The following SGCZ variants were observed in gnomAD, a reference collection of about 807,000 sequenced individuals.
SGCZ encodes zeta-sarcoglycan.
Under a neutral mutation model 41.3 loss-of-function variants are expected in SGCZ, and 40 were observed. The ratio of observed to expected loss-of-function variants is 0.97; its 90% CI spans 0.75 to 1.26. SGCZ has a LOEUF of 1.26. Ranked by LOEUF, SGCZ falls within the 50% of genes most tolerant of loss-of-function variation. The probability of loss-of-function intolerance (pLI) is 0.00; values close to 1 mark genes in which losing one functional copy is unlikely to be tolerated. For synonymous variants in SGCZ, 206 were observed against 137.5 expected (o/e 1.50, Z -3.49); for missense variants, 552 against 369.8 (o/e 1.49, Z -4.04).
chr8:14,787,644 T>A (rs1800812295), intron 1 of SGCZ, among the ~76,000 whole-genome samples: 1 of 151,976 alleles, frequency 6.6e-6, no homozygotes, highest in African/African-American at 2.4e-5. Flanking sequence ...GTTGGGAGTT[T>A]GAGACCAGCC....
intron 1 of SGCZ, among the ~76,000 whole-genome samples, chr8:15,034,296 G>A (rs1803791741): frequency 6.6e-6 from 1 of 151,966 alleles, no homozygotes; most frequent in African/African-American, 2.4e-5. Flanking sequence ...AGAAATTTGG[G>A]AGCTGAAAAT....
intron 1 of SGCZ, among the ~76,000 whole-genome samples, chr8:15,047,779 T>C (rs1030706574): frequency 8.6e-5 from 13 of 152,044 alleles, no homozygotes; most frequent in African/African-American, 3.1e-4. Context: ...TACAATTATA[T>C]AACTTTTATC....
intron 1 of SGCZ, among the ~76,000 whole-genome samples, chr8:15,138,096 G>A (rs569492067): frequency 2.0e-5 from 3 of 152,140 alleles, no homozygotes; most frequent in Admixed American, 6.5e-5. Flanking sequence ...TGTGAGACAC[G>A]GAATCAAAGG....
intron 3 of SGCZ, among the ~76,000 whole-genome samples, chr8:14,238,505 C>A (rs752231157): frequency 6.6e-6 from 1 of 152,056 alleles, no homozygotes; most frequent in Non-Finnish European, 1.5e-5. Flanking sequence ...ACTCTGGTAA[C>A]GTGTTGACTT....
intron 1 of SGCZ, among the ~76,000 whole-genome samples, chr8:14,888,775 C>A (rs1186356990): frequency 6.6e-6 from 1 of 152,126 alleles, no homozygotes; most frequent in Non-Finnish European, 1.5e-5. Flanking sequence ...TGTCTATATA[C>A]ATTCATTTGT....
At chr8:15,020,696 T>C (rs1337128341) in intron 1 of SGCZ, among the ~76,000 whole-genome samples, 2 of 152,208 alleles carry the variant, frequency 1.3e-5, no homozygotes, top group Non-Finnish European at 2.9e-5. Flanking sequence ...AATTACAAGA[T>C]AGTTATTTGC....
At chr8:14,589,958 G>A (rs1805187957) in intron 1 of SGCZ, among the ~76,000 whole-genome samples, 1 of 152,068 alleles carries the variant, frequency 6.6e-6, no homozygotes, top group African/African-American at 2.4e-5. Flanking sequence ...AGTTTTAAGA[G>A]CAATTTGATG....
At chr8:15,074,567 T>C (rs1032625268) in intron 1 of SGCZ, among the ~76,000 whole-genome samples, 1 of 152,174 alleles carries the variant, frequency 6.6e-6, no homozygotes, top group African/African-American at 2.4e-5. Context: ...AGCTCCATAA[T>C]ACAGCATACA....
At chr8:14,173,467 G>GA (rs1804451241) in intron 4 of SGCZ, among the ~76,000 whole-genome samples, 10 of 152,008 alleles carry the variant, frequency 6.6e-5, no homozygotes, top group South Asian at 6.2e-4. Flanking sequence ...TATGTTAAGT[G>GA]AAAAAAATCA....
At chr8:14,799,845 T>C (rs1585270613) in intron 1 of SGCZ, among the ~76,000 whole-genome samples, 1 of 152,116 alleles carries the variant, frequency 6.6e-6, no homozygotes, top group Non-Finnish European at 1.5e-5. Context: ...AAATGTAGTC[T>C]TATAGCTAAG....
intron 1 of SGCZ, among the ~76,000 whole-genome samples, chr8:14,642,599 T>C (rs1807064138): frequency 6.6e-6 from 1 of 151,526 alleles, no homozygotes; most frequent in Non-Finnish European, 1.5e-5. Context: ...GGCAAATATT[T>C]TTCTTCCAAA....
chr8:14,387,702 A>G (rs950960687), intron 2 of SGCZ, among the ~76,000 whole-genome samples: 1 of 152,014 alleles, frequency 6.6e-6, no homozygotes, highest in African/African-American at 2.4e-5. Flanking sequence ...GAGGAGCACA[A>G]AAAGTACATT....
intron 5 of SGCZ, among the ~76,000 whole-genome samples, chr8:14,153,033 A>G (rs1262034173): frequency 6.6e-6 from 1 of 152,124 alleles, no homozygotes; most frequent in Non-Finnish European, 1.5e-5. Flanking sequence ...AGGGTGGAGG[A>G]AAAGGAGTGA....
chr8:15,221,209 A>G (rs939920907), intron 1 of SGCZ, among the ~76,000 whole-genome samples: 1 of 152,218 alleles, frequency 6.6e-6, no homozygotes, highest in Non-Finnish European at 1.5e-5. Context: ...AGAAGTCAAA[A>G]TCAACATGAA....
At chr8:14,882,368 T>C (rs960860880) in intron 1 of SGCZ, among the ~76,000 whole-genome samples, 2 of 152,184 alleles carry the variant, frequency 1.3e-5, no homozygotes, top group Admixed American at 6.5e-5. Context: ...TTTTGGGCTG[T>C]CTCCCTATTT....
chr8:14,525,889 C>T (rs1802932896), intron 2 of SGCZ, among the ~76,000 whole-genome samples: 1 of 151,654 alleles, frequency 6.6e-6, no homozygotes, highest in Non-Finnish European at 1.5e-5. Flanking sequence ...AACAAAAATA[C>T]GATGCAGAGT....
chr8:14,511,601 C>T (rs1432237962), intron 2 of SGCZ, among the ~76,000 whole-genome samples: 1 of 151,908 alleles, frequency 6.6e-6, no homozygotes, highest in Non-Finnish European at 1.5e-5. Flanking sequence ...TGGATTTTAT[C>T]CTATATTTTC....
chr8:14,937,266 ATT>A (rs145336816), intron 1 of SGCZ, among the ~76,000 whole-genome samples: 24,203 of 151,920 alleles, frequency 0.16, 2,188 homozygotes, highest in African/African-American at 0.25. Context: ...AAAATGTTGC[ATT>A]TAATTTGACA....
intron 1 of SGCZ, among the ~76,000 whole-genome samples, chr8:15,230,842 C>G (rs544119514): frequency 6.6e-6 from 1 of 152,148 alleles, no homozygotes; most frequent in Non-Finnish European, 1.5e-5. Flanking sequence ...TCAACTGTGG[C>G]TAAAAAATGA....
Sources: gnomAD v4.1 joint callset for allele counts (sites outside exome capture counted in the v4.1 genomes callset) on GRCh38, gnomAD v4.1.1 for gene constraint, MANE v1.5 for transcripts, NCBI Gene and HGNC (gene_info 2026-07-23, HGNC 2026-07-21) for gene names.